Variants in WASL observed in about 807,000 individuals in gnomAD.
The protein encoded by WASL is WASP like actin nucleation promoting factor.
A neutral mutation model predicts 55.5 loss-of-function variants in WASL; 20 were observed. The ratio of observed to expected loss-of-function variants is 0.36; its 90% CI spans 0.25 to 0.52. The LOEUF is 0.52. WASL is among the 20% of genes least tolerant of loss of function. The probability of loss-of-function intolerance (pLI) is 0.92; values close to 1 mark genes in which losing one functional copy is unlikely to be tolerated. For missense variants in WASL, 504 were observed against 622.5 expected, an observed-to-expected ratio of 0.81 and a Z score of 2.03; for synonymous variants, 249 against 217.6, an observed-to-expected ratio of 1.14 and a Z score of -1.27.
chr7:123,721,731 G>A (rs137947279), intron 1 of WASL, among the ~76,000 whole-genome samples: 2 of 152,228 alleles, frequency 1.3e-5, no homozygotes, highest in Non-Finnish European at 2.9e-5. Context: ...TGTCCAACAT[G>A]ATGAAACCCT....
chr7:123,690,832 A>G (rs1584855509), intron 9 of WASL, among the ~76,000 whole-genome samples: 1 of 152,202 alleles, frequency 6.6e-6, no homozygotes, highest in African/African-American at 2.4e-5. Flanking sequence ...GTTAGGAGTG[A>G]GAGTTACGGG....
chr7:123,694,895 T>A, intron 7 of WASL, 27 bp from the exon 8 acceptor site: 1 of 1,580,864 alleles, frequency 6.3e-7, no homozygotes, highest in Non-Finnish European at 8.6e-7. Flanking sequence ...CTGCTAACTA[T>A]AAAAATATAT....
Position 123,748,764 on chromosome 7 carries a change from G to C in WASL, c.-30C>G. On this transcript the variant is annotated 5_prime_UTR_variant, in exon 1 of 11. Transcript: ENST00000223023. ...TCGCCGGCGGGGTTGGGAGTCCAGG[G>C]CCGTCTCCTCCGGCGAGTGGGCGAG... The C allele has an allele frequency of 1.3e-6, 2 of 1,523,098 alleles. No homozygotes were observed. The highest frequency in any genetic ancestry group is 1.8e-6 in the Non-Finnish European group (2 of 1,134,684). The allele number at this position is 1,523,098 out of a possible 1,614,324, so 94.3% of individuals were successfully genotyped here.
In WASL at chr7:123,692,836, C is replaced by T. The variant is rs764913703; in HGVS notation, c.858G>A (p.Gly286=). Residue 286 remains glycine (G), a synonymous_variant, in exon 9 of 11, where the codon GGG becomes GGA. Coordinates refer to ENST00000223023, the MANE Select transcript of WASL (RefSeq NM_003941.4). The part of the protein sequence containing the change: ...APPPPPPSRG[G]PPPPPPPPHN... ...GTGGAGGGGGAGGAGGAGGAGGTGG[C>T]CCTCCCCTTGATGGTGGTGGAGGTG... The T allele has an allele frequency of 5.7e-6, 8 of 1,391,698 alleles. No homozygotes were observed. The South Asian group carries it at 1.1e-4, about 19-fold the overall frequency. The allele number at this position is 1,391,698 out of a possible 1,614,324, so 86.2% of individuals were successfully genotyped here.
At chr7:123,699,919 G>A (rs1484775124) in intron 5 of WASL, among the ~76,000 whole-genome samples, 1 of 152,068 alleles carries the variant, frequency 6.6e-6, no homozygotes, top group Non-Finnish European at 1.5e-5. Context: ...GCTCACGCCT[G>A]TAATCCCAGC....
intron 1 of WASL, among the ~76,000 whole-genome samples, chr7:123,745,343 ATT>A (rs1486137807): frequency 6.6e-6 from 1 of 151,928 alleles, no homozygotes; most frequent in African/African-American, 2.4e-5. Context: ...TCCCCTGAAA[ATT>A]TTCTAAGTCA....
At chr7:123,690,120 G>C (rs1255934524) in intron 9 of WASL, among the ~76,000 whole-genome samples, 1 of 152,120 alleles carries the variant, frequency 6.6e-6, no homozygotes, top group Non-Finnish European at 1.5e-5. Context: ...TCAGAGCTTT[G>C]TATTTCTGCA....
chr7:123,695,819 T>G lies in WASL; in HGVS notation c.672+4A>C. On this transcript the variant is annotated splice_donor_region_variant and intron_variant, in intron 7 of 10. Coordinates refer to ENST00000223023, the MANE Select transcript of WASL (RefSeq NM_003941.4). ...TAACGTATATGATTTGAAAACATACTTACATCAAAGCCTGTATTTGGATCC... is the reference window on the plus strand; with the variant it reads ...TAACGTATATGATTTGAAAACATACGTACATCAAAGCCTGTATTTGGATCC... 3 of 1,612,372 alleles carry G rather than the reference T, an allele frequency of 1.9e-6. No individual in the cohort carries two copies. Among genetic ancestry groups the G allele is most frequent in the Non-Finnish European group, 2.5e-6 (3 of 1,178,822 alleles).
intron 1 of WASL, among the ~76,000 whole-genome samples, chr7:123,726,060 A>G (rs1804035379): frequency 6.6e-6 from 1 of 152,214 alleles, no homozygotes; most frequent in African/African-American, 2.4e-5. Flanking sequence ...TGTTAATGTT[A>G]CAGACCAGTA....
chr7:123,747,880 ACTAAGAATCATT>A (rs1362708923), intron 1 of WASL, among the ~76,000 whole-genome samples: 1 of 152,024 alleles, frequency 6.6e-6, no homozygotes, highest in Non-Finnish European at 1.5e-5. Context: ...ACAGCACCAA[ACTAAGAATCATT>A]CTCGGCCCCA....
At chr7:123,717,043 T>C (rs1803855769) in intron 1 of WASL, among the ~76,000 whole-genome samples, 1 of 152,176 alleles carries the variant, frequency 6.6e-6, no homozygotes, top group African/African-American at 2.4e-5. Context: ...TAAATGATCC[T>C]CCAAGAAGGA....
At chr7:123,704,712 C>T (rs1021240927) in intron 4 of WASL, 55 bp from the exon 5 acceptor site, 6 of 1,203,602 alleles carry the variant, frequency 5.0e-6, no homozygotes, top group Non-Finnish European at 6.8e-6. Context: ...ACAACATCAA[C>T]ATAAAAAAAT....
chr7:123,746,546 A>G (rs1804433443), intron 1 of WASL, among the ~76,000 whole-genome samples: 1 of 152,244 alleles, frequency 6.6e-6, no homozygotes, highest in Non-Finnish European at 1.5e-5. Context: ...TTCACTCTCT[A>G]TTAACTAGGG....
At chr7:123,732,357 A>T (rs536747397) in intron 1 of WASL, among the ~76,000 whole-genome samples, 1 of 152,118 alleles carries the variant, frequency 6.6e-6, no homozygotes, top group African/African-American at 2.4e-5. Flanking sequence ...AAATAAAAAT[A>T]AAAAAAGAAG....
At chr7:123,731,350 G>C (rs935309520) in intron 1 of WASL, among the ~76,000 whole-genome samples, 2 of 152,118 alleles carry the variant, frequency 1.3e-5, no homozygotes, top group Non-Finnish European at 2.9e-5. Flanking sequence ...AATATAGATA[G>C]ATCCTCTATT....
rs974107531 is a variant in WASL at position 123,682,797 on chromosome 7, T to C, written c.*1722A>G. On this transcript the variant is annotated 3_prime_UTR_variant, in exon 11 of 11. Transcript: ENST00000223023. ...TGAGCTCAAGCCACAATAAAAATGA[T>C]AGTAAGTAGAAAAAGGTTTCTAGCA... is the stretch of plus-strand genomic sequence containing the variant. 2.0e-5 allele frequency: 3 copies of C among 152,078 alleles called. No individual in the cohort carries two copies. The highest frequency in any genetic ancestry group is 1.9e-4 in the East Asian group (1 of 5,202). The allele number at this position is 152,078 out of a possible 1,614,324, so 9.4% of individuals were successfully genotyped here.
At chr7:123,741,051 C>T (rs1405485645) in intron 1 of WASL, among the ~76,000 whole-genome samples, 1 of 151,992 alleles carries the variant, frequency 6.6e-6, no homozygotes, top group Non-Finnish European at 1.5e-5. Context: ...TACATTATCC[C>T]AGGATGAGCA....
At chr7:123,705,246 C>T (rs1803651365) in intron 4 of WASL, among the ~76,000 whole-genome samples, 1 of 151,994 alleles carries the variant, frequency 6.6e-6, no homozygotes, top group Non-Finnish European at 1.5e-5. Context: ...GTCAATAGGA[C>T]TCTGATAGGA....
At chr7:123,695,007 AT>A in intron 7 of WASL, 139 bp from the exon 8 acceptor site, 1 of 836,778 alleles carries the variant, frequency 1.2e-6, no homozygotes, top group Non-Finnish European at 1.8e-6. Flanking sequence ...TAACTAAAAT[AT>A]TTTATTAAAA....
Sources: gnomAD v4.1 joint callset for allele counts (sites outside exome capture counted in the v4.1 genomes callset) on GRCh38, gnomAD v4.1.1 for gene constraint, MANE v1.5 for transcripts, NCBI Gene and HGNC (gene_info 2026-07-23, HGNC 2026-07-21) for gene names.